SDAD1: variants seen among roughly 807,000 people sequenced by gnomAD.
SDAD1 encodes the protein protein SDA1 homolog.
SDAD1 carries 79 observed loss-of-function variants against 100.3 expected under a neutral mutation model. That is an observed-to-expected ratio of 0.79 (90% CI 0.66 to 0.95). The LOEUF is 0.95. Among genes scored for constraint, SDAD1 ranks in the 40% least tolerant of loss-of-function variants. The probability of loss-of-function intolerance (pLI) is 0.00; values close to 1 mark genes in which losing one functional copy is unlikely to be tolerated. For missense variants in SDAD1, 790 were observed against 810.9 expected, an observed-to-expected ratio of 0.97 and a Z score of 0.31; for synonymous variants, 267 against 271.4, an observed-to-expected ratio of 0.98 and a Z score of 0.16.
intron 1 of SDAD1, among the ~76,000 whole-genome samples, chr4:75,985,862 CCA>C (rs1730861043): frequency 1.3e-5 from 2 of 152,306 alleles, no homozygotes; most frequent in South Asian, 4.1e-4. Context: ...TCATCAGAAT[CCA>C]CAGTCCACTA....
rs1730231669 is a variant in SDAD1 at position 75,977,694 on chromosome 4, T to C, written c.357A>G (p.Leu119=). The change falls in exon 4 of 22, where the codon CTA becomes CTG. Residue 119 remains leucine, a synonymous_variant. Transcript: ENST00000356260. Reference sequence around the variant, plus strand: ...AACGAAAAAGTTCAAAGAAGAGTTCTAGCAGGCTTGATGGATTGATGAGAT... The same window carrying C: ...AACGAAAAAGTTCAAAGAAGAGTTCCAGCAGGCTTGATGGATTGATGAGAT... ...NKNLINPSSL[L]ELFFELFRCH... is the part of the protein sequence containing the mutation. 1 of 1,613,674 alleles carries C rather than the reference T, an allele frequency of 6.2e-7. No homozygotes were observed. The highest frequency in any genetic ancestry group is 8.5e-7 in the Non-Finnish European group (1 of 1,179,816).
chr4:75,955,826 TG>T, intron 21 of SDAD1, 148 bp downstream of exon 21: 2 of 906,112 alleles, frequency 2.2e-6, no homozygotes, highest in Admixed American at 5.3e-5. Flanking sequence ...CTCCCATTAA[TG>T]GGAACTCTCC....
At chr4:75,967,451 T>A in intron 11 of SDAD1, 117 bp from the exon 12 acceptor site, 1 of 872,142 alleles carries the variant, frequency 1.1e-6, no homozygotes, top group Non-Finnish European at 1.8e-6. Flanking sequence ...TGTTTTTTTC[T>A]CAGTAAGCAA....
At chr4:75,989,130 C>T (rs1449713977) in intron 1 of SDAD1, among the ~76,000 whole-genome samples, 2 of 152,210 alleles carry the variant, frequency 1.3e-5, no homozygotes, top group Non-Finnish European at 2.9e-5. Context: ...TCTGAATAAG[C>T]TGACCCCTGC....
chr4:75,971,374 C>T lies in SDAD1; in HGVS notation c.796G>A (p.Ala266Thr), dbSNP rs756181178. Reference protein sequence around the residue: ...SSKNKKKLEKAMKVLKKQKKK... With the variant: ...SSKNKKKLEKTMKVLKKQKKK... Reference sequence around the variant, plus strand: ...AGTCCCACCTTGAGCACTTTCATTGCCTTTTCCAACTTTTTCTTGTTTTTG... The same window carrying T: ...AGTCCCACCTTGAGCACTTTCATTGTCTTTTCCAACTTTTTCTTGTTTTTG... Residue 266 changes from alanine (A) to threonine (T), a missense_variant, in exon 9 of 22, where the codon GCA (alanine) becomes ACA (threonine). Coordinates refer to ENST00000356260, the MANE Select transcript of SDAD1 (RefSeq NM_018115.4). 6.2e-7 allele frequency: 1 copy of T among 1,613,484 alleles called. No individual in the cohort carries two copies. Among genetic ancestry groups the T allele is most frequent in the Non-Finnish European group, 8.5e-7 (1 of 1,179,522 alleles).
intron 1 of SDAD1, among the ~76,000 whole-genome samples, chr4:75,985,094 C>A (rs1474655602): frequency 1.3e-5 from 2 of 152,070 alleles, no homozygotes; most frequent in Non-Finnish European, 2.9e-5. Context: ...AAATCCTCAC[C>A]CCATTTCTTC....
chr4:75,981,702 T>C (rs1389446692), intron 2 of SDAD1, among the ~76,000 whole-genome samples: 2 of 152,140 alleles, frequency 1.3e-5, no homozygotes, highest in East Asian at 1.9e-4. Flanking sequence ...TATGATGAAT[T>C]TGAAGAAAAA....
intron 8 of SDAD1, among the ~76,000 whole-genome samples, chr4:75,971,760 T>C (rs1287058468): frequency 6.6e-6 from 1 of 151,896 alleles, no homozygotes; most frequent in Non-Finnish European, 1.5e-5. Flanking sequence ...TAATCCCAGC[T>C]ACTCAGGAGG....
chr4:75,958,854 T>C (rs776289719), intron 17 of SDAD1, among the ~76,000 whole-genome samples: 7 of 150,500 alleles, frequency 4.7e-5, no homozygotes, highest in Non-Finnish European at 8.9e-5. Context: ...TCCCAGCCCT[T>C]TGGGAGGCTG....
At chr4:75,962,275 C>T (rs936183167) in intron 14 of SDAD1, among the ~76,000 whole-genome samples, 114 of 152,224 alleles carry the variant, frequency 7.5e-4, no homozygotes, top group African/African-American at 2.5e-3. Context: ...ATATGTGCCA[C>T]ATTTTCTTAA....
chr4:75,959,145 C>T (rs998495136), intron 17 of SDAD1, among the ~76,000 whole-genome samples: 10 of 134,718 alleles, frequency 7.4e-5, no homozygotes, highest in African/African-American at 2.2e-4. Flanking sequence ...AAAAAACTTC[C>T]GAGGTGGACC....
intron 12 of SDAD1, 85 bp from the exon 13 acceptor site, chr4:75,965,907 G>T: frequency 9.2e-7 from 1 of 1,088,714 alleles, no homozygotes; most frequent in Non-Finnish European, 1.4e-6. Context: ...AGCTCATTCT[G>T]GTCTAAATGG....
chr4:75,956,325 C>T lies in SDAD1; in HGVS notation c.1855-189G>A, dbSNP rs961545302. On this transcript the variant is annotated intron_variant, in intron 20 of 21. Coordinates refer to ENST00000356260, the MANE Select transcript of SDAD1 (RefSeq NM_018115.4). ...GTATTATAACAGAGCAAGGGGAGCT[C>T]GGTGGAAGAAAAGTCATAATTTAGC... Among the ~76,000 whole-genome samples the T allele has an allele frequency of 3.3e-5, 5 of 151,222 alleles. No homozygotes were observed. The South Asian group carries it at 6.3e-4, about 19-fold the overall frequency.
In SDAD1 at chr4:75,977,776, T is replaced by C. The variant is rs1730239264; in HGVS notation, c.295-20A>G. The stretch of plus-strand genomic sequence containing the variant: ...AAATGTCTCGGGAAGGAAAAAAACA[T>C]ACCATAAGACAATGGTAAAGTTAAC... On this transcript the variant is annotated intron_variant, in intron 3 of 21. Transcript: ENST00000356260. 3 of 1,436,304 alleles carry C rather than the reference T, an allele frequency of 2.1e-6. No homozygotes were observed. Among genetic ancestry groups the C allele is most frequent in the Non-Finnish European group, 2.0e-6 (2 of 1,021,562 alleles). 89.0% of individuals were successfully genotyped at this position (1,436,304 alleles called of 1,614,324 possible).
intron 21 of SDAD1, among the ~76,000 whole-genome samples, chr4:75,951,803 T>C (rs111768476): frequency 4.6e-5 from 7 of 152,194 alleles, no homozygotes; most frequent in African/African-American, 1.7e-4. Flanking sequence ...CCAAGACCAA[T>C]GTATACATCT....
At chr4:75,965,234 C>G (rs944937495) in intron 13 of SDAD1, among the ~76,000 whole-genome samples, 1 of 152,116 alleles carries the variant, frequency 6.6e-6, no homozygotes, top group African/African-American at 2.4e-5. Flanking sequence ...AAATAAGCCC[C>G]GGTCTCCCGT....
chr4:75,957,457 T>C (rs1354386738), intron 19 of SDAD1, 48 bp from the exon 20 acceptor site: 1 of 1,612,198 alleles, frequency 6.2e-7, no homozygotes, highest in African/African-American at 1.3e-5. Flanking sequence ...GAATTCTGTT[T>C]CCTGATGCTT....
chr4:75,959,097 C>CAAAAAAAAAAAAAAAA (rs61245198), intron 17 of SDAD1, among the ~76,000 whole-genome samples: 2 of 54,986 alleles, frequency 3.6e-5, no homozygotes, highest in Non-Finnish European at 6.1e-5. Context: ...GACTCTGTCT[C>CAAAAAAAAAAAAAAAA]AAAAAAAAAA....
chr4:75,963,598 T>C (rs893110505), intron 14 of SDAD1, among the ~76,000 whole-genome samples: 2 of 152,076 alleles, frequency 1.3e-5, no homozygotes, highest in Non-Finnish European at 1.5e-5. Context: ...GAGGAGAGAC[T>C]CTTAAGAAGT....
Sources: allele counts gnomAD v4.1 joint callset (sites outside exome capture counted in the v4.1 genomes callset), GRCh38; gene constraint gnomAD v4.1.1; transcripts MANE v1.5; gene names NCBI Gene and HGNC (gene_info 2026-07-23, HGNC 2026-07-21).